The following TDRD3 variants were observed in gnomAD, a reference collection of about 807,000 sequenced individuals.
TDRD3 encodes tudor domain-containing protein 3.
Under a neutral mutation model 86.7 loss-of-function variants are expected in TDRD3, and 45 were observed. The ratio of observed to expected loss-of-function variants is 0.52; its 90% CI spans 0.41 to 0.67. TDRD3 has a LOEUF of 0.67. Among genes scored for constraint, TDRD3 ranks in the 30% least tolerant of loss-of-function variants. The pLI is 0.00. For missense variants in TDRD3, 814 were observed against 889.0 expected, an observed-to-expected ratio of 0.92 and a Z score of 1.07; for synonymous variants, 298 against 301.7, an observed-to-expected ratio of 0.99 and a Z score of 0.13.
intron 1 of TDRD3, among the ~76,000 whole-genome samples, chr13:60,428,606 A>G (rs1430333984): frequency 6.6e-6 from 1 of 151,854 alleles, no homozygotes; most frequent in African/African-American, 2.4e-5. Flanking sequence ...TCACAGAGGA[A>G]AGGGAGATGT....
rs1330885329 is a variant in TDRD3 at position 60,515,286 on chromosome 13, T to C, written c.1141+4531T>C. ...TTCGAATGGCTACTAAATACTTTAA[T>C]CAGGCAGACTTGAAAACACTATTTG... On this transcript the variant is annotated intron_variant, in intron 10 of 13. Transcript: ENST00000377881. Among the ~76,000 whole-genome samples, 3 of 152,210 alleles carry C rather than the reference T, an allele frequency of 2.0e-5. No homozygotes were observed. The East Asian group carries it at 5.8e-4, about 29-fold the overall frequency.
chr13:60,551,381 G>A (rs147385048), intron 12 of TDRD3, among the ~76,000 whole-genome samples: 1 of 152,288 alleles, frequency 6.6e-6, no homozygotes, highest in African/African-American at 2.4e-5. Context: ...TTGGCACACA[G>A]GTTGTTAATT....
intron 3 of TDRD3, among the ~76,000 whole-genome samples, chr13:60,454,098 G>A (rs879420025): frequency 2.7e-4 from 41 of 151,872 alleles, no homozygotes; most frequent in African/African-American, 9.9e-4. Context: ...TTAACCTTAT[G>A]ATTACTTCTT....
chr13:60,426,223 C>G (rs9646035), intron 1 of TDRD3, among the ~76,000 whole-genome samples: 1 of 151,680 alleles, frequency 6.6e-6, no homozygotes, highest in Non-Finnish European at 1.5e-5. Flanking sequence ...TATTATAAAC[C>G]AAAAAAGAGC....
At chr13:60,481,349 G>GTTTTTT (rs796837758) in intron 5 of TDRD3, among the ~76,000 whole-genome samples, 2 of 137,378 alleles carry the variant, frequency 1.5e-5, no homozygotes, top group Non-Finnish European at 3.1e-5. Flanking sequence ...CCCTCTTTGT[G>GTTTTTT]TTTTTTTTTT....
Position 60,541,146 on chromosome 13 carries a change from A to T in TDRD3, c.2118+5913A>T, listed in dbSNP as rs572024792. 4.4e-3 allele frequency among the ~76,000 whole-genome samples: 658 copies of T among 149,884 alleles called. 3 individuals carry two copies. The highest frequency in any genetic ancestry group is 0.024 in the Middle Eastern group (7 of 294). On this transcript the variant is annotated intron_variant, in intron 12 of 13. Transcript: ENST00000377881. ...TCTACAGCATTCTTTTTGTTTTTCT[A>T]TTCTTTCTTTCTTTCTTTCTTTCTT...
At chr13:60,474,963 TAA>T in intron 5 of TDRD3, among the ~76,000 whole-genome samples, 1 of 152,264 alleles carries the variant, frequency 6.6e-6, no homozygotes, top group Admixed American at 6.5e-5. Flanking sequence ...AAATTTTTCT[TAA>T]GTGTTTTAAG....
At chr13:60,457,576 T>G (rs897643666) in intron 3 of TDRD3, among the ~76,000 whole-genome samples, 19 of 152,222 alleles carry the variant, frequency 1.2e-4, no homozygotes, top group African/African-American at 4.6e-4. Flanking sequence ...TTCTTCGCAA[T>G]CAGGTAACTC....
intron 12 of TDRD3, among the ~76,000 whole-genome samples, chr13:60,555,852 CTTT>C (rs35001150): frequency 1.4e-5 from 2 of 140,478 alleles, no homozygotes; most frequent in Admixed American, 7.2e-5. Context: ...CTATTTCTTT[CTTT>C]TTTTTTTTTT....
intron 1 of TDRD3, among the ~76,000 whole-genome samples, chr13:60,428,603 G>A (rs1485971399): frequency 6.6e-6 from 1 of 152,002 alleles, no homozygotes; most frequent in Non-Finnish European, 1.5e-5. Context: ...TCTTCACAGA[G>A]GAAAGGGAGA....
chr13:60,401,133 C>T (rs1428150021), intron 1 of TDRD3, among the ~76,000 whole-genome samples: 2 of 152,090 alleles, frequency 1.3e-5, no homozygotes, highest in East Asian at 1.9e-4. Flanking sequence ...ATCTGAAAAT[C>T]TGGTAAATTC....
At chr13:60,570,672 T>C (rs2092521834) in intron 13 of TDRD3, among the ~76,000 whole-genome samples, 1 of 152,190 alleles carries the variant, frequency 6.6e-6, no homozygotes, top group Non-Finnish European at 1.5e-5. Flanking sequence ...AAGGCAGCCA[T>C]TGTTTAATAG....
At chr13:60,431,123 G>A (rs1176629638) in intron 1 of TDRD3, among the ~76,000 whole-genome samples, 1 of 151,930 alleles carries the variant, frequency 6.6e-6, no homozygotes, top group African/African-American at 2.4e-5. Context: ...TAAACCCTGA[G>A]TGATCTTTAT....
At position 60,467,394 on chromosome 13, in the gene TDRD3, T is replaced by C. The variant is rs368462643; in HGVS notation, c.495+15T>C. On this transcript the variant is annotated intron_variant, in intron 5 of 13. Coordinates refer to ENST00000377881, the MANE Select transcript of TDRD3 (RefSeq NM_001146070.2). ...AGTTACAGAGAGTAAGTGTAAACTA[T>C]GGCTTGAACTTTTGAAACATTACAC... 1.2e-6 allele frequency: 2 copies of C among 1,609,118 alleles called. No individual in the cohort carries two copies. Among genetic ancestry groups the C allele is most frequent in the African/African-American group, 1.3e-5 (1 of 74,508 alleles).
intron 1 of TDRD3, among the ~76,000 whole-genome samples, chr13:60,434,618 T>C (rs1955044430): frequency 6.6e-6 from 1 of 152,170 alleles, no homozygotes; most frequent in Admixed American, 6.5e-5. Context: ...GTAAAATGTA[T>C]TCAGATGTTG....
chr13:60,404,923 T>G (rs1954198500), intron 1 of TDRD3, among the ~76,000 whole-genome samples: 1 of 152,224 alleles, frequency 6.6e-6, no homozygotes, highest in South Asian at 2.1e-4. Context: ...CTCGTGATAG[T>G]GAATGGGTCT....
intron 12 of TDRD3, chr13:60,538,044 CTTG>C (rs1291537987): frequency 6.6e-6 from 1 of 151,786 alleles, no homozygotes; most frequent in Non-Finnish European, 1.5e-5. Context: ...AAGTTAATAC[CTTG>C]TTGTATGGAA....
chr13:60,537,836 G>C (rs1322734731), intron 12 of TDRD3: 1 of 151,650 alleles, frequency 6.6e-6, no homozygotes, highest in Non-Finnish European at 1.5e-5. Flanking sequence ...ACAAGATTTT[G>C]GAAAACTCTT....
At chr13:60,508,614 TAACTC>T (rs1354297449) in intron 8 of TDRD3, among the ~76,000 whole-genome samples, 1 of 152,066 alleles carries the variant, frequency 6.6e-6, no homozygotes, top group Non-Finnish European at 1.5e-5. Flanking sequence ...GTACAAAAAT[TAACTC>T]AAGATGGATT....
Sources: allele counts gnomAD v4.1 joint callset (sites outside exome capture counted in the v4.1 genomes callset), GRCh38; gene constraint gnomAD v4.1.1; transcripts MANE v1.5; gene names NCBI Gene and HGNC (gene_info 2026-07-23, HGNC 2026-07-21).